Variants in NRG2 observed in about 807,000 individuals in gnomAD.
NRG2 encodes pro-neuregulin-2, membrane-bound isoform.
In NRG2, 27 loss-of-function variants were observed where a neutral mutation model predicts 73.9. The observed-to-expected ratio is 0.37, with a 90% CI of 0.27 to 0.50. The LOEUF (loss-of-function observed/expected upper bound fraction) is 0.50. NRG2 is among the 20% of genes least tolerant of loss of function. The pLI is 0.96. For synonymous variants in NRG2, 532 were observed against 541.0 expected, an observed-to-expected ratio of 0.98 and a Z score of 0.23; for missense variants, 1,126 against 1,210.1, an observed-to-expected ratio of 0.93 and a Z score of 1.03.
At chr5:140,016,724 A>C (rs1438048892) in intron 1 of NRG2, among the ~76,000 whole-genome samples, 1 of 152,268 alleles carries the variant, frequency 6.6e-6, no homozygotes, top group Non-Finnish European at 1.5e-5. Context: ...TTAAGGAAGT[A>C]ACATCTGAGC....
intron 1 of NRG2, among the ~76,000 whole-genome samples, chr5:139,912,776 T>C (rs1750932393): frequency 6.6e-6 from 1 of 152,212 alleles, no homozygotes; most frequent in Admixed American, 6.5e-5. Flanking sequence ...AATTATCCTT[T>C]TAGCTCAATC....
rs79568315 is a variant in NRG2 at position 139,858,873 on chromosome 5, T to C, written c.1190-3095A>G. ...ATCACAGCCAGTAGCTATAGACAGA[T>C]GCACTCTTACACACAAACTTTGCAA... On this transcript the variant is annotated intron_variant, in intron 5 of 9. Transcript: ENST00000361474. 3.2e-3 allele frequency among the ~76,000 whole-genome samples: 484 copies of C among 152,244 alleles called. 1 individual carries two copies. The highest frequency in any genetic ancestry group is 0.011 in the African/African-American group (456 of 41,552).
chr5:139,913,675 A>G (rs1196359004), intron 1 of NRG2, among the ~76,000 whole-genome samples: 2 of 152,236 alleles, frequency 1.3e-5, no homozygotes, highest in Non-Finnish European at 2.9e-5. Context: ...GCTTAATGAC[A>G]GGCACAGTGC....
Position 140,042,710 on chromosome 5 carries a change from C to A in NRG2, c.360G>T (p.Val120=). Residue 120 remains valine, a synonymous_variant, in exon 1 of 10, where the codon GTG becomes GTT. Coordinates refer to ENST00000361474, the MANE Select transcript of NRG2 (RefSeq NM_004883.3). ...CGGGTGCCTTGTACGCCTGGTCCTGCACTGACTTGAGGCTGGGCGAGTAGC... is the reference window on the plus strand; with the variant it reads ...CGGGTGCCTTGTACGCCTGGTCCTGAACTGACTTGAGGCTGGGCGAGTAGC... ...LACYSPSLKS[V]QDQAYKAPVV... is the part of the protein sequence containing the mutation. The A allele has an allele frequency of 1.3e-6, 2 of 1,576,088 alleles. No homozygotes were observed. Among genetic ancestry groups the A allele is most frequent in the Non-Finnish European group, 8.6e-7 (1 of 1,161,250 alleles).
chr5:139,869,001 C>T lies in NRG2; in HGVS notation c.1112+2720G>A, dbSNP rs886795792. ...AGAGTCACGCACCAACCGTGCTCTA[C>T]AAACACACGGAGAGAAGAGGAGAAA... On this transcript the variant is annotated intron_variant, in intron 4 of 9. Coordinates refer to ENST00000361474, the MANE Select transcript of NRG2 (RefSeq NM_004883.3). The surrounding 1 kb of genome is among the most constrained non-coding windows in gnomAD (Gnocchi z 4.5). Among the ~76,000 whole-genome samples, 1 of 152,102 alleles carries T rather than the reference C, an allele frequency of 6.6e-6. No individual in the cohort carries two copies. Among genetic ancestry groups the T allele is most frequent in the Non-Finnish European group, 1.5e-5 (1 of 68,008 alleles).
intron 1 of NRG2, among the ~76,000 whole-genome samples, chr5:139,967,974 A>AAAATAAATAAATAAAT (rs58017535): frequency 3.6e-4 from 52 of 144,502 alleles, no homozygotes; most frequent in African/African-American, 8.2e-4. Context: ...ATAAAACATA[A>AAAATAAATAAATAAAT]AAATAAATAA....
rs1288116132 is a variant in NRG2, at chr5:140,042,914, G to C, written c.156C>G (p.Asn52Lys). 12 of 1,538,880 alleles carry C rather than the reference G, an allele frequency of 7.8e-6. No homozygotes were observed. The highest frequency in any genetic ancestry group is 1.0e-5 in the Non-Finnish European group (12 of 1,144,368). The change falls in exon 1 of 10, where the codon AAC becomes AAG. Residue 52 changes from asparagine (N) to lysine (K), a missense_variant. Transcript: ENST00000361474. ...ESGSSSRSSSNNSSISRPAAP... is the reference protein window; with the variant it reads ...ESGSSSRSSSKNSSISRPAAP... ...CAGCGGGACGAGAGATGCTGCTGTT[G>C]TTGCTGCTGCTCCTGCTGCTGCTGC...
At chr5:139,875,173 A>G (rs1342041313) in intron 3 of NRG2, among the ~76,000 whole-genome samples, 1 of 152,122 alleles carries the variant, frequency 6.6e-6, no homozygotes, top group Non-Finnish European at 1.5e-5. Context: ...CACCATGCCC[A>G]GCTAATTTTT....
chr5:139,850,649 C>T (rs1016174813), intron 9 of NRG2, among the ~76,000 whole-genome samples: 2 of 152,240 alleles, frequency 1.3e-5, no homozygotes, highest in East Asian at 3.8e-4. Flanking sequence ...CTACAGACCC[C>T]ACTTGCTGAG....
At chr5:139,906,559 C>G (rs1297405555) in intron 1 of NRG2, among the ~76,000 whole-genome samples, 1 of 152,206 alleles carries the variant, frequency 6.6e-6, no homozygotes, top group Non-Finnish European at 1.5e-5. Context: ...CCTACCTGAT[C>G]TCTGTATTCA....
chr5:139,894,551 A>G lies in NRG2; in HGVS notation c.701-7040T>C, dbSNP rs1426361984. 6.6e-6 allele frequency among the ~76,000 whole-genome samples: 1 copy of G among 151,946 alleles called. No individual in the cohort carries two copies. The highest frequency in any genetic ancestry group is 1.5e-5 in the Non-Finnish European group (1 of 68,002). ...GCATCCTACCCATGGCCTGCAGAAG[A>G]GCAATTTCACACTCACAGGACAGAC... On this transcript the variant is annotated intron_variant, in intron 1 of 9. Coordinates refer to ENST00000361474, the MANE Select transcript of NRG2 (RefSeq NM_004883.3). This position sits in a 1 kb window ranked among gnomAD's most constrained non-coding sequence, Gnocchi z 5.0.
chr5:140,043,074 C>T lies in NRG2; in HGVS notation c.-5G>A. 3 of 1,568,580 alleles carry T rather than the reference C, an allele frequency of 1.9e-6. No individual in the cohort carries two copies. Among genetic ancestry groups the T allele is most frequent in the Non-Finnish European group, 2.6e-6 (3 of 1,166,200 alleles). On this transcript the variant is annotated 5_prime_UTR_variant, in exon 1 of 10. It introduces an in-frame stop codon into an upstream open reading frame of the 5' UTR. Transcript: ENST00000361474. This position sits in a 1 kb window ranked among gnomAD's most constrained non-coding sequence, Gnocchi z 6.7. ...TGAGCAGCAAACCTGCCGCATCTGG[C>T]CAGGCCATTTGGGGGGCTCCGCCGC...
chr5:139,916,368 C>T (rs1299791432), intron 1 of NRG2, among the ~76,000 whole-genome samples: 1 of 152,152 alleles, frequency 6.6e-6, no homozygotes, highest in Non-Finnish European at 1.5e-5. Context: ...TCAATTTTCC[C>T]CTTATAACTG....
chr5:139,977,222 C>T (rs1351923436), intron 1 of NRG2, among the ~76,000 whole-genome samples: 1 of 152,130 alleles, frequency 6.6e-6, no homozygotes, highest in African/African-American at 2.4e-5. Context: ...CTTATCTTCA[C>T]AATTTTTCTG....
At chr5:139,965,442 G>C (rs1178914933) in intron 1 of NRG2, among the ~76,000 whole-genome samples, 1 of 152,204 alleles carries the variant, frequency 6.6e-6, no homozygotes, top group African/African-American at 2.4e-5. Context: ...CCCAGACCAG[G>C]CCAAACAGCA....
rs1338352216 is a variant in NRG2 at position 139,848,641 on chromosome 5, G to A, written c.1829C>T (p.Ser610Leu). 1.9e-6 allele frequency: 3 copies of A among 1,576,410 alleles called. No individual in the cohort carries two copies. The highest frequency in any genetic ancestry group is 2.4e-5 in the East Asian group (1 of 42,268). ...ARLSPVDFHYSLATQVPTFEI... is the reference protein window; with the variant it reads ...ARLSPVDFHYLLATQVPTFEI... Reference sequence around the variant, plus strand: ...GAAAGTTGGCACCTGCGTGGCCAGCGAGTAGTGGAAGTCCACGGGCGAGAG... The same window carrying A: ...GAAAGTTGGCACCTGCGTGGCCAGCAAGTAGTGGAAGTCCACGGGCGAGAG... The change falls in exon 10 of 10, where the codon TCG becomes TTG. Residue 610 changes from serine to leucine, a missense_variant. Coordinates refer to ENST00000361474, the MANE Select transcript of NRG2 (RefSeq NM_004883.3).
intron 1 of NRG2, among the ~76,000 whole-genome samples, chr5:139,980,488 C>T (rs1204582962): frequency 2.0e-5 from 3 of 152,170 alleles, no homozygotes; most frequent in African/African-American, 4.8e-5. Flanking sequence ...GCTCTTAGCC[C>T]AAGTCTGCTT....
In NRG2 at chr5:139,851,769, C is replaced by T. The variant is rs1171593851; in HGVS notation, c.1607G>A (p.Gly536Glu). The T allele has an allele frequency of 1.2e-6, 2 of 1,614,120 alleles. No homozygotes were observed. Among genetic ancestry groups the T allele is most frequent in the African/African-American group, 2.7e-5 (2 of 74,944 alleles). The change falls in exon 9 of 10, where the codon GGG becomes GAG. Residue 536 changes from glycine (G) to glutamate (E), a missense_variant. By Grantham distance (98) the Gly-to-Glu change is moderately conservative (BLOSUM62 -2). Transcript: ENST00000361474. The surrounding 1 kb of genome is among the most constrained non-coding windows in gnomAD (Gnocchi z 4.2). ...GGTACCCACTGATGATAGCATGATC[C>T]CCGACTGGGAGTCAGAAGTCAGGCT... is the stretch of plus-strand genomic sequence containing the variant. The part of the protein sequence containing the change: ...SESLTSDSQS[G>E]IMLSSVGTSK...
chr5:139,911,474 T>A (rs1290695567), intron 1 of NRG2, among the ~76,000 whole-genome samples: 2 of 152,174 alleles, frequency 1.3e-5, no homozygotes, highest in African/African-American at 4.8e-5. Flanking sequence ...AGCCCCCACC[T>A]TCTGGGGCTT....
Sources: allele counts gnomAD v4.1 joint callset (sites outside exome capture counted in the v4.1 genomes callset), GRCh38; gene constraint gnomAD v4.1.1; non-coding constraint Gnocchi (gnomAD v3.1); transcripts MANE v1.5; gene names NCBI Gene and HGNC (gene_info 2026-07-23, HGNC 2026-07-21).